Variants in MGAT5 observed in about 807,000 individuals in gnomAD.
The protein encoded by MGAT5 is alpha-1,6-mannosylglycoprotein 6-beta-N-acetylglucosaminyltransferase A.
MGAT5 carries 30 observed loss-of-function variants against 94.3 expected under a neutral mutation model. The ratio of observed to expected loss-of-function variants is 0.32; its 90% CI spans 0.24 to 0.43. The LOEUF is 0.43. MGAT5 is among the 20% of genes least tolerant of loss of function. The pLI is 1.00. For synonymous variants in MGAT5, 310 were observed against 322.9 expected (o/e 0.96, Z 0.43); for missense variants, 691 against 905.5 (o/e 0.76, Z 3.04).
At chr2:134,345,166 G>A in intron 8 of MGAT5, 102 bp downstream of exon 8, 3 of 1,254,752 alleles carry the variant, frequency 2.4e-6, no homozygotes, top group Non-Finnish European at 3.3e-6. Flanking sequence ...TATCTTTTCA[G>A]CTGTATGGAG....
At chr2:134,243,296 C>T (rs1020072006) in intron 1 of MGAT5, among the ~76,000 whole-genome samples, 1 of 152,076 alleles carries the variant, frequency 6.6e-6, no homozygotes, top group African/African-American at 2.4e-5. Flanking sequence ...ATTCTATGTA[C>T]ATCATAGTTG....
At chr2:134,272,361 T>C (rs1487231206) in intron 2 of MGAT5, among the ~76,000 whole-genome samples, 2 of 124,930 alleles carry the variant, frequency 1.6e-5, no homozygotes, top group African/African-American at 8.7e-5. Context: ...ACCAGAGTGT[T>C]GTGTTTTGTT....
intron 2 of MGAT5, among the ~76,000 whole-genome samples, chr2:134,309,713 G>A (rs1424893397): frequency 1.3e-5 from 2 of 152,098 alleles, no homozygotes; most frequent in East Asian, 3.9e-4. Flanking sequence ...AGAATGGAGG[G>A]TTGGTGTATA....
chr2:134,349,767 A>G, intron 8 of MGAT5, 38 bp from the exon 9 acceptor site: 1 of 1,604,378 alleles, frequency 6.2e-7, no homozygotes. Flanking sequence ...CTTTGGGGGC[A>G]AGTATGTAGT....
intron 1 of MGAT5, among the ~76,000 whole-genome samples, chr2:134,221,125 G>C (rs1471179408): frequency 6.6e-6 from 1 of 152,178 alleles, no homozygotes; most frequent in African/African-American, 2.4e-5. Flanking sequence ...GATTTATTCC[G>C]AGCCAAGTAT....
intron 1 of MGAT5, among the ~76,000 whole-genome samples, chr2:134,236,846 C>G (rs1681663479): frequency 6.6e-6 from 1 of 152,096 alleles, no homozygotes; most frequent in African/African-American, 2.4e-5. Context: ...GTTTTCTCCT[C>G]AAAACTTTAG....
At chr2:134,223,607 C>T (rs1573556484) in intron 1 of MGAT5, among the ~76,000 whole-genome samples, 2 of 152,216 alleles carry the variant, frequency 1.3e-5, no homozygotes, top group African/African-American at 4.8e-5. Context: ...TTAATCTGCA[C>T]TCAAAAAATT....
intron 1 of MGAT5, among the ~76,000 whole-genome samples, chr2:134,175,596 TCC>T (rs2105139760): frequency 6.6e-6 from 1 of 152,306 alleles, no homozygotes; most frequent in African/African-American, 2.4e-5. Flanking sequence ...TCCTCTTTCC[TCC>T]CTCCTCTTCC....
intron 14 of MGAT5, among the ~76,000 whole-genome samples, chr2:134,429,351 G>A (rs549166085): frequency 3.4e-4 from 52 of 152,342 alleles, no homozygotes; most frequent in South Asian, 1.9e-3. Flanking sequence ...GCTGGGAGCC[G>A]TGGTCATATA....
At chr2:134,244,215 C>G (rs1479859988) in intron 1 of MGAT5, among the ~76,000 whole-genome samples, 1 of 152,068 alleles carries the variant, frequency 6.6e-6, no homozygotes. Flanking sequence ...ATGATTCTTT[C>G]TTTCTTCTTA....
intron 10 of MGAT5, among the ~76,000 whole-genome samples, chr2:134,378,568 G>GT: frequency 6.6e-6 from 1 of 150,842 alleles, no homozygotes; most frequent in Non-Finnish European, 1.5e-5. Context: ...GTTCTCGATC[G>GT]TTAAATCAGA....
At chr2:134,435,792 A>G (rs1685136390) in intron 14 of MGAT5, among the ~76,000 whole-genome samples, 1 of 152,232 alleles carries the variant, frequency 6.6e-6, no homozygotes, top group East Asian at 1.9e-4. Flanking sequence ...TGTTCAAAGA[A>G]TGAAGGAATG....
chr2:134,308,988 C>A (rs1311039844), intron 2 of MGAT5, among the ~76,000 whole-genome samples: 1 of 152,218 alleles, frequency 6.6e-6, no homozygotes, highest in Non-Finnish European at 1.5e-5. Flanking sequence ...TATCACCTCT[C>A]CTCCCTTTCC....
chr2:134,199,272 T>C (rs1336205043), intron 1 of MGAT5, among the ~76,000 whole-genome samples: 1 of 152,116 alleles, frequency 6.6e-6, no homozygotes, highest in Non-Finnish European at 1.5e-5. Context: ...GGCAGTGTGT[T>C]TTCCTGTTCC....
At chr2:134,402,342 A>G in intron 10 of MGAT5, among the ~76,000 whole-genome samples, 1 of 152,230 alleles carries the variant, frequency 6.6e-6, no homozygotes, top group East Asian at 1.9e-4. Flanking sequence ...TGAATGTTTC[A>G]GGGCTCATCA....
In MGAT5 at chr2:134,123,877, C is replaced by T. The variant is rs747510290; in HGVS notation, c.-143+3586C>T. Among the ~76,000 whole-genome samples the T allele has an allele frequency of 5.9e-4, 89 of 152,112 alleles. 1 individual carries two copies. Among genetic ancestry groups the T allele is most frequent in the Non-Finnish European group, 2.1e-4 (14 of 68,018 alleles). On this transcript the variant is annotated intron_variant, in intron 1 of 16. Transcript: ENST00000409645. The stretch of plus-strand genomic sequence containing the variant: ...TGTCAGTGCAGGTTTTACCAGGCTG[C>T]CTTTAAAGTTAATAATTGCTTTGAA...
intron 14 of MGAT5, among the ~76,000 whole-genome samples, chr2:134,437,812 C>T (rs893313363): frequency 6.6e-6 from 1 of 152,008 alleles, no homozygotes; most frequent in Non-Finnish European, 1.5e-5. Context: ...GCTAGGAGTT[C>T]GAGGTCAGCC....
At chr2:134,267,561 C>T (rs1156962866) in intron 1 of MGAT5, among the ~76,000 whole-genome samples, 1 of 151,708 alleles carries the variant, frequency 6.6e-6, no homozygotes, top group African/African-American at 2.4e-5. Flanking sequence ...CAGATGGGGT[C>T]AACAAGAGAT....
intron 11 of MGAT5, among the ~76,000 whole-genome samples, chr2:134,406,673 C>T (rs1683357403): frequency 2.0e-5 from 3 of 151,066 alleles, no homozygotes; most frequent in Non-Finnish European, 2.9e-5. Context: ...TTGCTTGAGC[C>T]GAGGAGTTCA....
Sources: gnomAD v4.1 joint callset for allele counts (sites outside exome capture counted in the v4.1 genomes callset) on GRCh38, gnomAD v4.1.1 for gene constraint, MANE v1.5 for transcripts, NCBI Gene and HGNC (gene_info 2026-07-23, HGNC 2026-07-21) for gene names.